The following TFEC variants were observed in gnomAD, a reference collection of about 807,000 sequenced individuals.
TFEC encodes the protein class E basic helix-loop-helix protein 34.
Under a neutral mutation model 41.6 loss-of-function variants are expected in TFEC, and 31 were observed. The ratio of observed to expected loss-of-function variants is 0.74; its 90% CI spans 0.56 to 1.01. The LOEUF is 1.01. Ranked by LOEUF, TFEC falls within the 50% of genes least tolerant of loss-of-function variation. The pLI is 0.00. For synonymous variants in TFEC, 143 were observed against 140.6 expected (o/e 1.02, Z -0.12); for missense variants, 402 against 404.1 (o/e 0.99, Z 0.04).
chr7:116,079,715 T>C (rs1032137177), intron 3 of TFEC, among the ~76,000 whole-genome samples: 16 of 152,104 alleles, frequency 1.1e-4, no homozygotes, highest in Non-Finnish European at 1.9e-4. Context: ...CCCAGATGCA[T>C]GAATGGGTAG....
At chr7:115,957,751 C>A (rs2130438766) in intron 3 of TFEC, among the ~76,000 whole-genome samples, 1 of 151,818 alleles carries the variant, frequency 6.6e-6, no homozygotes, top group East Asian at 2.0e-4. Context: ...AGGAATAAAA[C>A]ATATAATAAA....
chr7:116,157,047 AAG>A (rs1798884803), intron 1 of TFEC, among the ~76,000 whole-genome samples: 1 of 152,170 alleles, frequency 6.6e-6, no homozygotes, highest in South Asian at 2.1e-4. Flanking sequence ...CAATCACAGC[AAG>A]AGTTTGGATT....
At chr7:116,103,887 G>A (rs957265517) in intron 3 of TFEC, among the ~76,000 whole-genome samples, 2 of 152,042 alleles carry the variant, frequency 1.3e-5, no homozygotes, top group Admixed American at 1.3e-4. Flanking sequence ...ATTTAAAGAG[G>A]TCGCTACTAG....
chr7:116,003,955 A>G (rs1794693885), intron 1 of TFEC, among the ~76,000 whole-genome samples: 1 of 152,170 alleles, frequency 6.6e-6, no homozygotes, highest in Non-Finnish European at 1.5e-5. Flanking sequence ...AAAACACAAC[A>G]TTCTAAAATT....
chr7:115,982,218 C>CAAAA (rs57020486), intron 2 of TFEC, among the ~76,000 whole-genome samples: 2 of 147,738 alleles, frequency 1.4e-5, no homozygotes, highest in African/African-American at 5.0e-5. Flanking sequence ...AAAAAAAAAA[C>CAAAA]AAAAAAAAAC....
chr7:116,125,341 G>A (rs376146493), intron 1 of TFEC, among the ~76,000 whole-genome samples: 120 of 152,236 alleles, frequency 7.9e-4, no homozygotes, highest in South Asian at 1.4e-3. Flanking sequence ...CTTTTAGTAT[G>A]ATGTATAGAA....
intron 6 of TFEC, among the ~76,000 whole-genome samples, chr7:115,943,427 A>G (rs530181085): frequency 6.6e-6 from 1 of 151,308 alleles, no homozygotes; most frequent in Non-Finnish European, 1.5e-5. Context: ...AAACAGATTT[A>G]AAAAAAAAGA....
intron 1 of TFEC, among the ~76,000 whole-genome samples, chr7:116,156,762 T>C (rs1281126324): frequency 4.6e-5 from 7 of 152,192 alleles, no homozygotes; most frequent in African/African-American, 1.7e-4. Flanking sequence ...GCTCCTAATG[T>C]TTTCTTGTTT....
chr7:116,128,585 T>C (rs1562979860), intron 1 of TFEC, among the ~76,000 whole-genome samples: 1 of 152,172 alleles, frequency 6.6e-6, no homozygotes, highest in Non-Finnish European at 1.5e-5. Flanking sequence ...AAACTAAAAC[T>C]CTAGACTAGT....
intron 1 of TFEC, among the ~76,000 whole-genome samples, chr7:115,991,664 A>G (rs531615744): frequency 1.4e-4 from 22 of 152,356 alleles, no homozygotes; most frequent in Non-Finnish European, 2.5e-4. Context: ...CAATTTAACA[A>G]GAAGAGCTAA....
At chr7:116,124,256 A>G (rs992353751) in intron 1 of TFEC, among the ~76,000 whole-genome samples, 1 of 152,114 alleles carries the variant, frequency 6.6e-6, no homozygotes, top group Non-Finnish European at 1.5e-5. Context: ...AAAGGAGCTC[A>G]CTCAGACAAA....
At chr7:116,003,417 G>T (rs750221108) in intron 1 of TFEC, among the ~76,000 whole-genome samples, 2 of 152,018 alleles carry the variant, frequency 1.3e-5, no homozygotes, top group African/African-American at 2.4e-5. Context: ...TTTAAAAAAA[G>T]ATCAATATTC....
intron 1 of TFEC, among the ~76,000 whole-genome samples, chr7:116,155,784 C>CT (rs1170328383): frequency 1.3e-5 from 2 of 152,062 alleles, no homozygotes; most frequent in African/African-American, 4.8e-5. Context: ...CATTCTTTGT[C>CT]ACGGGGCTGC....
intron 3 of TFEC, among the ~76,000 whole-genome samples, chr7:116,069,134 G>C (rs577833185): frequency 6.6e-6 from 1 of 151,586 alleles, no homozygotes; most frequent in South Asian, 2.1e-4. Flanking sequence ...CAAACCAGAG[G>C]CACTCTAAAG....
intron 6 of TFEC, among the ~76,000 whole-genome samples, chr7:115,943,361 A>C (rs773979310): frequency 2.6e-5 from 4 of 151,886 alleles, no homozygotes; most frequent in Non-Finnish European, 5.9e-5. Context: ...CAAAAGCCTT[A>C]TGGACCCTTA....
intron 2 of TFEC, among the ~76,000 whole-genome samples, chr7:116,111,310 C>T (rs940789877): frequency 2.0e-5 from 3 of 151,956 alleles, no homozygotes; most frequent in Non-Finnish European, 2.9e-5. Context: ...TTTCTGTTCA[C>T]CCACTCTTGC....
At chr7:116,090,995 CAGG>C (rs983032298) in intron 3 of TFEC, among the ~76,000 whole-genome samples, 127 of 152,032 alleles carry the variant, frequency 8.4e-4, no homozygotes, top group African/African-American at 3.0e-3. Flanking sequence ...GGGATAGCAT[CAGG>C]AGAAGTACCT....
intron 3 of TFEC, among the ~76,000 whole-genome samples, chr7:116,099,458 T>A (rs1051164987): frequency 6.6e-6 from 1 of 152,180 alleles, no homozygotes; most frequent in African/African-American, 2.4e-5. Flanking sequence ...ACTCTAGAGT[T>A]AGCCATGATG....
chr7:116,026,891 A>G (rs74824150), intron 1 of TFEC, among the ~76,000 whole-genome samples: 21,873 of 152,252 alleles, frequency 0.14, 2,085 homozygotes, highest in Non-Finnish European at 0.21. Flanking sequence ...AGAAGAGGAA[A>G]AGTGATTGGC....
Sources: gnomAD v4.1 joint callset for allele counts (sites outside exome capture counted in the v4.1 genomes callset) on GRCh38, gnomAD v4.1.1 for gene constraint, MANE v1.5 for transcripts, NCBI Gene and HGNC (gene_info 2026-07-23, HGNC 2026-07-21) for gene names.